CACNA1A: variants seen among roughly 807,000 people sequenced by gnomAD.
CACNA1A encodes voltage-dependent P/Q-type calcium channel subunit alpha-1A.
CACNA1A carries 57 observed loss-of-function variants against 262.4 expected under a neutral mutation model. The observed-to-expected ratio is 0.22, with a 90% confidence interval of 0.18 to 0.27. CACNA1A has a LOEUF of 0.27. Ranked by LOEUF, CACNA1A falls within the 10% of genes least tolerant of loss-of-function variation. The pLI is 1.00. For synonymous variants in CACNA1A, 1,431 were observed against 1,419.3 expected, an observed-to-expected ratio of 1.01 and a Z score of -0.18; for missense variants, 2,526 against 3,562.8, an observed-to-expected ratio of 0.71 and a Z score of 7.41.
chr19:13,476,176 T>C (rs1323248345), intron 1 of CACNA1A, among the ~76,000 whole-genome samples: 1 of 152,134 alleles, frequency 6.6e-6, no homozygotes, highest in Non-Finnish European at 1.5e-5. Flanking sequence ...CCTGCTCAGT[T>C]CTGGGAAATC....
At chr19:13,281,302 C>T (rs1314202251) in intron 22 of CACNA1A, among the ~76,000 whole-genome samples, 2 of 147,992 alleles carry the variant, frequency 1.4e-5, no homozygotes, top group African/African-American at 2.5e-5. Context: ...CACTTGAGCC[C>T]GGGACGTTGA....
chr19:13,444,269 G>C (rs1374626295), intron 3 of CACNA1A, among the ~76,000 whole-genome samples: 1 of 152,206 alleles, frequency 6.6e-6, no homozygotes, highest in Non-Finnish European at 1.5e-5. Flanking sequence ...CTACTGCAGA[G>C]AGACATTAAA....
At position 13,227,449 on chromosome 19, in the gene CACNA1A, C is replaced by G. The variant is rs1132019; in HGVS notation, c.5607G>C (p.Pro1869=). Residue 1869 remains proline, a synonymous_variant, in exon 37 of 47, where the codon CCG becomes CCC. Coordinates refer to ENST00000360228, the MANE Select transcript of CACNA1A (RefSeq NM_001127222.2). Reference sequence around the variant, plus strand: ...AGTCTACCTTGTAAGCCACTCTGGCCGGACACTTCTTCCCCAGACCCAGGG... The same window carrying G: ...AGTCTACCTTGTAAGCCACTCTGGCGGGACACTTCTTCCCCAGACCCAGGG... ...SPPLGLGKKC[P]ARVAYKRLLR... 2.5e-6 allele frequency: 4 copies of G among 1,606,676 alleles called. No individual in the cohort carries two copies. The African/African-American group carries it at 4.0e-5, about 16-fold the overall frequency.
chr19:13,445,205 C>T (rs917090005), intron 3 of CACNA1A, among the ~76,000 whole-genome samples: 4 of 152,062 alleles, frequency 2.6e-5, no homozygotes, highest in African/African-American at 9.7e-5. Context: ...CCTGATGGTT[C>T]CTGTGTAGTT....
chr19:13,420,716 T>C (rs1270598305), intron 3 of CACNA1A, among the ~76,000 whole-genome samples: 1 of 152,190 alleles, frequency 6.6e-6, no homozygotes, highest in Non-Finnish European at 1.5e-5. Context: ...GCCAAGTTCA[T>C]GTTACTCTGT....
chr19:13,312,849 T>A, intron 11 of CACNA1A, 68 bp from the exon 12 acceptor site: 1 of 734,598 alleles, frequency 1.4e-6, no homozygotes, highest in South Asian at 1.8e-5. Flanking sequence ...CAGGTGGCTC[T>A]GACTTTCCTT....
At chr19:13,419,580 G>A (rs2060281856) in intron 3 of CACNA1A, among the ~76,000 whole-genome samples, 1 of 152,158 alleles carries the variant, frequency 6.6e-6, no homozygotes, top group South Asian at 2.1e-4. Flanking sequence ...TGGAGGCTGA[G>A]GTGGGAGGAT....
At chr19:13,423,924 C>T (rs1390511683) in intron 3 of CACNA1A, among the ~76,000 whole-genome samples, 2 of 152,146 alleles carry the variant, frequency 1.3e-5, no homozygotes, top group Non-Finnish European at 2.9e-5. Flanking sequence ...AAATCTAAAA[C>T]ATCACCCAAG....
intron 21 of CACNA1A, 101 bp downstream of exon 21, chr19:13,284,967 A>T: frequency 2.6e-6 from 3 of 1,138,278 alleles, no homozygotes; most frequent in Non-Finnish European, 2.6e-6. Flanking sequence ...CCCTGGACTC[A>T]TGGTGGTCAA....
chr19:13,389,008 T>C (rs772852476), intron 3 of CACNA1A, among the ~76,000 whole-genome samples: 6 of 152,124 alleles, frequency 3.9e-5, no homozygotes, highest in Non-Finnish European at 1.5e-5. Context: ...GTTCAAGCGA[T>C]TCTCTTGCCT....
chr19:13,262,532 T>C, intron 25 of CACNA1A: 1 of 558,152 alleles, frequency 1.8e-6, no homozygotes, highest in Non-Finnish European at 3.2e-6. Flanking sequence ...AAAACTGCCA[T>C]AATACACAGA....
rs2144767431 is a variant in CACNA1A at position 13,417,205 on chromosome 19, TGCCAATCTGTCAGCTTGCATCCGGA to T, written c.539+35646_539+35670del. The stretch of plus-strand genomic sequence containing the variant: ...CACTGGACCTTGGAAGTCAGCCAGC[TGCCAATCTGTCAGCTTGCATCCGGA>T]GGGCTGGAGAAGAAGCGCTGTGTTA... On this transcript the variant is annotated intron_variant, in intron 3 of 46. Coordinates refer to ENST00000360228, the MANE Select transcript of CACNA1A (RefSeq NM_001127222.2). 1.3e-5 allele frequency among the ~76,000 whole-genome samples: 2 copies of T among 152,300 alleles called. 1 individual carries two copies. The highest frequency in any genetic ancestry group is 4.1e-4 in the South Asian group (2 of 4,830).
intron 38 of CACNA1A, among the ~76,000 whole-genome samples, chr19:13,221,218 T>TTTTCTTTTCTTTTCTTTTCTTTTC (rs1555734399): frequency 1.6e-4 from 4 of 25,636 alleles, no homozygotes; most frequent in South Asian, 2.7e-3. Flanking sequence ...TTGTTTTTTC[T>TTTTCTTTTCTTTTCTTTTCTTTTC]TTTCTTTCTT....
At chr19:13,405,724 A>G (rs2059992197) in intron 3 of CACNA1A, among the ~76,000 whole-genome samples, 1 of 152,190 alleles carries the variant, frequency 6.6e-6, no homozygotes. Context: ...AGCTTGCAAG[A>G]AGGGGAGCTG....
chr19:13,323,380 C>T (rs1431782645), intron 10 of CACNA1A, among the ~76,000 whole-genome samples: 1 of 152,180 alleles, frequency 6.6e-6, no homozygotes, highest in Non-Finnish European at 1.5e-5. Context: ...GAGTGATGTT[C>T]AGCATTTTAT....
At chr19:13,433,846 A>G (rs1434169376) in intron 3 of CACNA1A, among the ~76,000 whole-genome samples, 1 of 152,184 alleles carries the variant, frequency 6.6e-6, no homozygotes, top group Non-Finnish European at 1.5e-5. Flanking sequence ...CCTGGGAACT[A>G]AGTCAAGCAG....
At chr19:13,396,115 C>G (rs2059807048) in intron 3 of CACNA1A, among the ~76,000 whole-genome samples, 1 of 152,190 alleles carries the variant, frequency 6.6e-6, no homozygotes, top group Admixed American at 6.5e-5. Context: ...ATTAATATGC[C>G]TTGTGAGTTG....
At chr19:13,383,894 G>A (rs540812853) in intron 3 of CACNA1A, among the ~76,000 whole-genome samples, 4 of 152,184 alleles carry the variant, frequency 2.6e-5, no homozygotes, top group East Asian at 1.9e-4. Flanking sequence ...AGCTCACTGC[G>A]GACTTGACCT....
intron 3 of CACNA1A, among the ~76,000 whole-genome samples, chr19:13,382,858 C>T (rs1317529966): frequency 1.3e-5 from 2 of 152,164 alleles, no homozygotes; most frequent in South Asian, 4.2e-4. Flanking sequence ...CTCCCTGCAT[C>T]CCAGCGGTTG....
Sources: allele counts gnomAD v4.1 joint callset (sites outside exome capture counted in the v4.1 genomes callset), GRCh38; gene constraint gnomAD v4.1.1; transcripts MANE v1.5; gene names NCBI Gene and HGNC (gene_info 2026-07-23, HGNC 2026-07-21).